AHI1: variants seen among roughly 807,000 people sequenced by gnomAD.
AHI1 encodes Abelson helper integration site 1.
A neutral mutation model predicts 149.3 loss-of-function variants in AHI1; 123 were observed. The ratio of observed to expected loss-of-function variants is 0.82; its 90% confidence interval spans 0.71 to 0.96. The LOEUF is 0.96. AHI1 is among the 40% of genes least tolerant of loss of function. The probability of loss-of-function intolerance (pLI) is 0.00; values close to 1 mark genes in which losing one functional copy is unlikely to be tolerated. For missense variants in AHI1, 1,439 were observed against 1,422.7 expected (o/e 1.01, Z -0.18); for synonymous variants, 475 against 459.8 (o/e 1.03, Z -0.42).
At chr6:135,486,162 A>C (rs1464303332) in intron 5 of AHI1, among the ~76,000 whole-genome samples, 1 of 152,224 alleles carries the variant, frequency 6.6e-6, no homozygotes, top group Non-Finnish European at 1.5e-5. Context: ...CAAGATTATT[A>C]AACAGTTACG....
chr6:135,303,892 G>GTA (rs1784213592), intron 26 of AHI1, among the ~76,000 whole-genome samples: 1 of 152,200 alleles, frequency 6.6e-6, no homozygotes, highest in Admixed American at 6.5e-5. Flanking sequence ...AACTACTGGA[G>GTA]TATACAAGCT....
chr6:135,381,192 A>G (rs1021359173), intron 23 of AHI1, among the ~76,000 whole-genome samples: 1 of 152,224 alleles, frequency 6.6e-6, no homozygotes, highest in African/African-American at 2.4e-5. Context: ...AGAAGGGAAA[A>G]AAAAAGGAAA....
At chr6:135,363,946 A>C (rs1794419778) in intron 23 of AHI1, among the ~76,000 whole-genome samples, 2 of 111,116 alleles carry the variant, frequency 1.8e-5, no homozygotes. Context: ...CGGGGGGCTG[A>C]CCCCCCCACC....
At position 135,483,932 on chromosome 6, in the gene AHI1, T is replaced by C. The variant is rs572098441; in HGVS notation, c.135+6691A>G. Among the ~76,000 whole-genome samples the C allele has an allele frequency of 2.0e-5, 3 of 152,290 alleles. No homozygotes were observed. The South Asian group carries it at 6.2e-4, about 32-fold the overall frequency. ...AAAACCTGAACCACTTCAAAGACAGTGTATTAGTCCATTTTCACACCGCTG... is the reference window on the plus strand; with the variant it reads ...AAAACCTGAACCACTTCAAAGACAGCGTATTAGTCCATTTTCACACCGCTG... On this transcript the variant is annotated intron_variant, in intron 5 of 28. Coordinates refer to ENST00000265602, the MANE Select transcript of AHI1 (RefSeq NM_001134831.2).
At chr6:135,388,475 C>G in intron 23 of AHI1, among the ~76,000 whole-genome samples, 1 of 152,136 alleles carries the variant, frequency 6.6e-6, no homozygotes, top group East Asian at 1.9e-4. Context: ...TAGATGTAAT[C>G]TACCTTCTAC....
In AHI1 at chr6:135,431,190, T is replaced by C. The variant is rs371919793; in HGVS notation, c.2373+18A>G. ...ACTTCTTTAATTAAATCCCAAAATA[T>C]AAAATATGATTTTATACCTTATTTA... On this transcript the variant is annotated intron_variant, in intron 17 of 28. Coordinates refer to ENST00000265602, the MANE Select transcript of AHI1 (RefSeq NM_001134831.2). 4.9e-4 allele frequency: 727 copies of C among 1,481,334 alleles called. No individual in the cohort carries two copies. The highest frequency in any genetic ancestry group is 9.1e-4 in the Admixed American group (47 of 51,382). The allele number at this position is 1,481,334 out of a possible 1,614,324, so 91.8% of individuals were successfully genotyped here.
intron 22 of AHI1, among the ~76,000 whole-genome samples, chr6:135,395,813 T>G (rs1437119850): frequency 3.3e-5 from 5 of 151,744 alleles, no homozygotes; most frequent in Admixed American, 2.6e-4. Context: ...AACAAAATGA[T>G]AATTTATGGC....
chr6:135,388,028 G>C, intron 23 of AHI1: 3 of 1,613,682 alleles, frequency 1.9e-6, no homozygotes, highest in Non-Finnish European at 2.5e-6. Context: ...TCAGCAAAGT[G>C]ACTGTCTGGA....
At chr6:135,418,371 A>G (rs1197695033) in intron 20 of AHI1, among the ~76,000 whole-genome samples, 1 of 152,156 alleles carries the variant, frequency 6.6e-6, no homozygotes, top group African/African-American at 2.4e-5. Flanking sequence ...ATTTACTTCT[A>G]ATAGGCTATC....
intron 24 of AHI1, among the ~76,000 whole-genome samples, chr6:135,327,204 C>A (rs1787837985): frequency 6.6e-6 from 1 of 152,182 alleles, no homozygotes; most frequent in South Asian, 2.1e-4. Context: ...CACTTTTAAA[C>A]CTGATGGTGT....
rs976495068 is a variant in AHI1 at position 135,300,353 on chromosome 6, G to A, written c.3485+147C>T. On this transcript the variant is annotated intron_variant, in intron 27 of 28. Transcript: ENST00000265602. ...AAAAAAAAAAAAAGAAAAAAAAATC[G>A]TAAACAAGCTAAACTCCTTTAAAAT... 755 of 800,824 alleles carry A rather than the reference G, an allele frequency of 9.4e-4. 1 individual carries two copies. The highest frequency in any genetic ancestry group is 1.1e-3 in the Non-Finnish European group (648 of 582,604). 49.6% of individuals were successfully genotyped at this position (800,824 alleles called of 1,614,324 possible). A position where few individuals can be genotyped will look rare whatever the true frequency, so the allele number is the denominator to read the frequency against.
intron 24 of AHI1, among the ~76,000 whole-genome samples, chr6:135,327,045 T>A (rs1026079127): frequency 6.6e-6 from 1 of 152,206 alleles, no homozygotes; most frequent in Non-Finnish European, 1.5e-5. Flanking sequence ...CCCATTCCCA[T>A]ACAGGTTGCT....
At position 135,363,589 on chromosome 6, in the gene AHI1, C is replaced by T. The variant is rs530990676; in HGVS notation, c.3110-5402G>A. 9.0e-4 allele frequency among the ~76,000 whole-genome samples: 136 copies of T among 151,538 alleles called. 1 individual carries two copies. In the Middle Eastern group the frequency reaches 0.01, roughly 11 times the overall value. On this transcript the variant is annotated intron_variant, in intron 23 of 28. Coordinates refer to ENST00000265602, the MANE Select transcript of AHI1 (RefSeq NM_001134831.2). ...TACACCTCCCAGACGGGGTGGTGGC[C>T]GGGCAGAGGGGCTCCTCACTTCCCA...
intron 20 of AHI1, among the ~76,000 whole-genome samples, chr6:135,423,500 GT>G (rs1241721919): frequency 6.6e-6 from 1 of 152,108 alleles, no homozygotes; most frequent in Non-Finnish European, 1.5e-5. Context: ...TAAAAAATAA[GT>G]TTGTCAACAA....
chr6:135,428,333 C>T (rs1267742575), intron 19 of AHI1, among the ~76,000 whole-genome samples: 1 of 151,558 alleles, frequency 6.6e-6, no homozygotes, highest in Non-Finnish European at 1.5e-5. Flanking sequence ...TGTTAGCCTC[C>T]ATTAAACGCT....
chr6:135,369,818 GTTA>G (rs1056629005), intron 23 of AHI1, among the ~76,000 whole-genome samples: 3 of 151,998 alleles, frequency 2.0e-5, no homozygotes, highest in Non-Finnish European at 4.4e-5. Flanking sequence ...CATTTTATCT[GTTA>G]TAATCTTCAG....
At chr6:135,490,181 A>C (rs1280671811) in intron 5 of AHI1, 1 of 723,234 alleles carries the variant, frequency 1.4e-6, no homozygotes, top group South Asian at 1.5e-5. Flanking sequence ...TGCCTCAAAC[A>C]TAAAAGGATA....
At chr6:135,383,409 AT>A (rs200574528) in intron 23 of AHI1, among the ~76,000 whole-genome samples, 1,708 of 151,162 alleles carry the variant, frequency 0.011, 33 homozygotes, top group African/African-American at 0.039. Flanking sequence ...TTAAAAAAAC[AT>A]TTTTTTTAAA....
Position 135,388,022 on chromosome 6 carries a change from C to T in AHI1, c.3109+6754G>A, listed in dbSNP as rs749176640. Reference sequence around the variant, plus strand: ...CATAATATACATGTGTTGAATTCAGCAAAGTGACTGTCTGGAAAACAAATT... The same window carrying T: ...CATAATATACATGTGTTGAATTCAGTAAAGTGACTGTCTGGAAAACAAATT... On this transcript the variant is annotated intron_variant, in intron 23 of 28. Transcript: ENST00000265602. 1.9e-6 allele frequency: 3 copies of T among 1,613,670 alleles called. No individual in the cohort carries two copies. In the South Asian group the frequency reaches 3.3e-5, roughly 18 times the overall value.
Sources: allele counts gnomAD v4.1 joint callset (sites outside exome capture counted in the v4.1 genomes callset), GRCh38; gene constraint gnomAD v4.1.1; transcripts MANE v1.5; gene names NCBI Gene and HGNC (gene_info 2026-07-23, HGNC 2026-07-21).